Variants in MEGF10 observed in about 807,000 individuals in gnomAD.
The protein encoded by MEGF10 is multiple EGF like domains 10, also known as multiple epidermal growth factor-like domains protein 10.
MEGF10 carries 86 observed loss-of-function variants against 147.5 expected under a neutral mutation model. The observed-to-expected ratio is 0.58, with a 90% CI of 0.49 to 0.70. The LOEUF is 0.70. MEGF10 is among the 30% of genes least tolerant of loss of function. MEGF10 has a pLI of 0.00. For synonymous variants in MEGF10, 478 were observed against 525.5 expected (o/e 0.91, Z 1.24); for missense variants, 1,329 against 1,487.3 (o/e 0.89, Z 1.75).
the MEGF10 span, among the ~76,000 whole-genome samples, chr5:127,267,679 A>G: frequency 6.6e-6 from 1 of 152,030 alleles, no homozygotes; most frequent in East Asian, 1.9e-4. Flanking sequence ...GAATTTATCC[A>G]TTTCTTCTAG....
the MEGF10 span, among the ~76,000 whole-genome samples, chr5:127,273,531 T>C: frequency 6.6e-6 from 1 of 152,248 alleles, no homozygotes; most frequent in African/African-American, 2.4e-5. Context: ...CTCTTAAGCC[T>C]TATGTATATA....
intron 1 of MEGF10, among the ~76,000 whole-genome samples, chr5:127,314,522 GACTAGAGAATTTTT>G (rs1760439049): frequency 6.6e-6 from 1 of 152,204 alleles, no homozygotes; most frequent in Non-Finnish European, 1.5e-5. Flanking sequence ...CTAGTGAAAA[GACTAGAGAATTTTT>G]ACTTATGTCC....
intron 17 of MEGF10, 70 bp downstream of exon 17, chr5:127,438,637 C>T: frequency 1.3e-6 from 2 of 1,540,884 alleles, no homozygotes; most frequent in Non-Finnish European, 1.8e-6. Context: ...TTACCCTCCG[C>T]ATGCGTGACT....
upstream of MEGF10, among the ~76,000 whole-genome samples, chr5:127,290,217 T>C (rs1362785237): frequency 6.6e-6 from 1 of 152,054 alleles, no homozygotes; most frequent in East Asian, 1.9e-4. Context: ...TAAAGCAGAC[T>C]ATCCCACCCT....
chr5:127,343,749 G>A lies in MEGF10; in HGVS notation c.319+3119G>A, dbSNP rs751427449. Among the ~76,000 whole-genome samples the A allele has an allele frequency of 9.5e-4, 144 of 151,926 alleles. 1 individual carries two copies. The highest frequency in any genetic ancestry group is 3.5e-4 in the Non-Finnish European group (24 of 67,990). ...GAGGATCCGTTGAGCCCAGGCATTC[G>A]AGACCAGCATGGGCAACATAGGGAG... is the stretch of plus-strand genomic sequence containing the variant. On this transcript the variant is annotated intron_variant, in intron 4 of 24. Coordinates refer to ENST00000503335, the MANE Select transcript of MEGF10 (RefSeq NM_001256545.2).
rs1766285714 is a variant in MEGF10 at position 127,454,601 on chromosome 5, T to C, written c.3016T>C (p.Ser1006Pro). ...ACTTGACAGAAGCTATATGGGAAAA[T>C]CCTTAAAAGGTATCATGTAAATTTG... ...FGLDRSYMGK[S>P]LKDLGKNSEY... The change falls in exon 23 of 25, where the codon TCC (serine) becomes CCC (proline). Residue 1006 changes from serine (S) to proline (P), a missense_variant. Physicochemically the swap from Ser to Pro is moderately conservative, Grantham distance 74. This residue lies in a region of MEGF10 where 343 missense variants were observed against 377.9 expected (regional missense o/e 0.91). Transcript: ENST00000503335. The C allele has an allele frequency of 2.5e-6, 4 of 1,608,110 alleles. No homozygotes were observed. The East Asian group carries it at 8.9e-5, about 36-fold the overall frequency.
At chr5:127,270,723 C>T in the MEGF10 span, among the ~76,000 whole-genome samples, 1 of 152,162 alleles carries the variant, frequency 6.6e-6, no homozygotes, top group South Asian at 2.1e-4. Context: ...CTCCTCCCAC[C>T]CCCTGCCCTC....
At chr5:127,270,199 A>T in the MEGF10 span, among the ~76,000 whole-genome samples, 4 of 152,202 alleles carry the variant, frequency 2.6e-5, no homozygotes, top group Admixed American at 1.3e-4. Context: ...ACCAGCTAAC[A>T]TCATAATGAC....
At chr5:127,352,077 G>A (rs1561588025) in intron 4 of MEGF10, among the ~76,000 whole-genome samples, 1 of 151,660 alleles carries the variant, frequency 6.6e-6, no homozygotes, top group Non-Finnish European at 1.5e-5. Context: ...GTGGTCAGAG[G>A]CCCAGTAAAA....
At chr5:127,243,620 C>T in the MEGF10 span, among the ~76,000 whole-genome samples, 2 of 152,048 alleles carry the variant, frequency 1.3e-5, no homozygotes, top group Non-Finnish European at 2.9e-5. Flanking sequence ...CTTCCTCTTT[C>T]CTATTCTAGA....
At chr5:127,321,639 T>G (rs955857672) in intron 1 of MEGF10, among the ~76,000 whole-genome samples, 3 of 152,126 alleles carry the variant, frequency 2.0e-5, no homozygotes. Context: ...TGATAGTGAG[T>G]GCTTCAGTAT....
intron 1 of MEGF10, among the ~76,000 whole-genome samples, chr5:127,308,502 G>A (rs1469871008): frequency 3.3e-5 from 5 of 152,066 alleles, no homozygotes; most frequent in African/African-American, 4.8e-5. Context: ...AGAAAATGTG[G>A]CACATATACA....
the MEGF10 span, among the ~76,000 whole-genome samples, chr5:127,248,695 A>G: frequency 6.6e-6 from 1 of 152,002 alleles, no homozygotes; most frequent in African/African-American, 2.4e-5. Flanking sequence ...ATTTTAAAAC[A>G]TGGATAGAGC....
rs1766333278 is a variant in MEGF10, at chr5:127,455,594, T to G, written c.3219T>G (p.Asn1073Lys). Residue 1073 changes from asparagine to lysine, a missense_variant, in exon 24 of 25, where the codon AAT (asparagine) becomes AAG (lysine). Around this residue, in one of 3 missense-constraint regions of MEGF10, gnomAD observed 343 missense variants for 377.9 expected, o/e 0.91. Coordinates refer to ENST00000503335, the MANE Select transcript of MEGF10 (RefSeq NM_001256545.2). Reference sequence around the variant, plus strand: ...ATAACTCAACTTCAGCCAACAGGAATGTCTATGAAGTTGGTGAGTTCCCTT... The same window carrying G: ...ATAACTCAACTTCAGCCAACAGGAAGGTCTATGAAGTTGGTGAGTTCCCTT... ...EINNSTSANRNVYEVEPTVSV... is the reference protein window; with the variant it reads ...EINNSTSANRKVYEVEPTVSV... 3 of 1,613,984 alleles carry G rather than the reference T, an allele frequency of 1.9e-6. No individual in the cohort carries two copies. The highest frequency in any genetic ancestry group is 2.5e-6 in the Non-Finnish European group (3 of 1,180,000).
chr5:127,435,567 G>A, intron 16 of MEGF10, 78 bp downstream of exon 16: 6 of 1,330,178 alleles, frequency 4.5e-6, no homozygotes, highest in Non-Finnish European at 6.0e-6. Flanking sequence ...AAGTATGAGT[G>A]TTTTTATATA....
intron 2 of MEGF10, among the ~76,000 whole-genome samples, chr5:127,332,619 T>G (rs1323054653): frequency 1.3e-5 from 2 of 152,158 alleles, no homozygotes; most frequent in East Asian, 3.8e-4. Context: ...TATATATTAT[T>G]ATGAAACTTT....
At chr5:127,290,039 A>G (rs1361020728), upstream of MEGF10, among the ~76,000 whole-genome samples, 1 of 152,182 alleles carries the variant, frequency 6.6e-6, no homozygotes, top group Non-Finnish European at 1.5e-5. Context: ...TAACCCACAA[A>G]TGGAAAAGCC....
the MEGF10 span, among the ~76,000 whole-genome samples, chr5:127,254,969 A>T: frequency 4.0e-5 from 6 of 151,382 alleles, no homozygotes; most frequent in African/African-American, 1.5e-4. Flanking sequence ...GAAGATGGGA[A>T]TTTATTACTC....
chr5:127,289,785 AAG>A (rs1191070143), upstream of MEGF10, among the ~76,000 whole-genome samples: 1 of 152,184 alleles, frequency 6.6e-6, no homozygotes, highest in East Asian at 1.9e-4. Context: ...TCTAAAAAGA[AAG>A]AGTTCTTATT....
Sources: allele counts gnomAD v4.1 joint callset (sites outside exome capture counted in the v4.1 genomes callset), GRCh38; gene constraint gnomAD v4.1.1; regional missense constraint gnomAD v4.1.1; transcripts MANE v1.5; gene names NCBI Gene and HGNC (gene_info 2026-07-23, HGNC 2026-07-21).